Variants in MON2 observed in about 807,000 individuals in gnomAD.
MON2 encodes the protein MON2 regulator of endosome-to-Golgi trafficking.
Under a neutral mutation model 208.6 loss-of-function variants are expected in MON2, and 84 were observed. The observed-to-expected ratio is 0.40, with a 90% CI of 0.34 to 0.48. The LOEUF is 0.48. MON2 is among the 20% of genes least tolerant of loss of function. MON2 has a pLI of 0.59. For missense variants in MON2, 1,611 were observed against 2,015.4 expected, an observed-to-expected ratio of 0.80 and a Z score of 3.84; for synonymous variants, 660 against 694.0, an observed-to-expected ratio of 0.95 and a Z score of 0.77.
intron 30 of MON2, among the ~76,000 whole-genome samples, chr12:62,573,225 C>T (rs2074661317): frequency 6.6e-6 from 1 of 152,136 alleles, no homozygotes; most frequent in African/African-American, 2.4e-5. Flanking sequence ...ATGTTTTCAT[C>T]TTTAAAATAA....
chr12:62,557,962 A>ATTTTTT lies in MON2; in HGVS notation c.3409+1794_3409+1799dup. On this transcript the variant is annotated intron_variant, in intron 25 of 34. Transcript: ENST00000393630. ...TATATATATATATATATATATATAT[A>ATTTTTT]TTTTTTTTTTTTTTTTTTTTTTTTT... 2.9e-4 allele frequency among the ~76,000 whole-genome samples: 6 copies of ATTTTTT among 20,872 alleles called. 1 individual carries two copies. The highest frequency in any genetic ancestry group is 4.1e-4 in the Non-Finnish European group (6 of 14,682). The allele number at this position is 20,872 out of a possible 152,430, so 13.7% of individuals were successfully genotyped here. A position where few individuals can be genotyped will look rare whatever the true frequency, so the allele number is the denominator to read the frequency against.
At chr12:62,487,412 A>G (rs1168344391) in intron 2 of MON2, among the ~76,000 whole-genome samples, 1 of 152,070 alleles carries the variant, frequency 6.6e-6, no homozygotes. Context: ...ATCTTTTAAC[A>G]TTGTATATTT....
intron 8 of MON2, 30 bp downstream of exon 8, chr12:62,508,510 T>C: frequency 6.3e-7 from 1 of 1,589,058 alleles, no homozygotes; most frequent in African/African-American, 1.3e-5. Flanking sequence ...TGTATTTGTG[T>C]ATATAGTTGC....
At chr12:62,531,129 T>C (rs906776370) in intron 11 of MON2, among the ~76,000 whole-genome samples, 3 of 152,222 alleles carry the variant, frequency 2.0e-5, no homozygotes, top group Admixed American at 6.5e-5. Context: ...CTGTCTCTTA[T>C]CAGATATGTG....
chr12:62,486,541 A>AT (rs1001100858), intron 2 of MON2, among the ~76,000 whole-genome samples: 5 of 152,040 alleles, frequency 3.3e-5, no homozygotes, highest in African/African-American at 2.4e-5. Context: ...TTATCCTAGT[A>AT]TTTTTTCTGA....
At chr12:62,566,066 T>C (rs1380455192) in intron 28 of MON2, 35 bp downstream of exon 28, 4 of 1,589,342 alleles carry the variant, frequency 2.5e-6, no homozygotes, top group South Asian at 1.1e-5. Context: ...CCTAACCTCT[T>C]GGCAACAAAT....
intron 33 of MON2, chr12:62,585,758 T>C (rs1368136428): frequency 7.4e-6 from 2 of 269,294 alleles, no homozygotes; most frequent in African/African-American, 4.4e-5. Flanking sequence ...AATTACCTTT[T>C]TGAATTAAAA....
intron 30 of MON2, 49 bp downstream of exon 30, chr12:62,571,631 C>A: frequency 1.4e-6 from 2 of 1,394,564 alleles, no homozygotes; most frequent in Non-Finnish European, 2.0e-6. Flanking sequence ...CACATTATAT[C>A]TTCAGTTGCT....
Position 62,585,416 on chromosome 12 carries a change from C to G in MON2, c.4822C>G (p.Leu1608Val). 2 of 1,613,758 alleles carry G rather than the reference C, an allele frequency of 1.2e-6. No homozygotes were observed. The highest frequency in any genetic ancestry group is 1.7e-6 in the Non-Finnish European group (2 of 1,179,702). The change falls in exon 33 of 35, where the codon CTC (leucine) becomes GTC (valine). Residue 1608 changes from leucine (L) to valine (V), a missense_variant. Transcript: ENST00000393630. ...PQEGYISRMA[L>V]SVLLKRSQDV... ...AGAAGGCTACATCTCACGAATGGCA[C>G]TCTCAGTGCTTTTAAAGAGGTCCCA...
At position 62,573,188 on chromosome 12, in the gene MON2, C is replaced by T. The variant is rs545775215; in HGVS notation, c.4514+1606C>T. On this transcript the variant is annotated intron_variant, in intron 30 of 34. Transcript: ENST00000393630. ...CTGTTTCTGAAGGAAAAATTATAGG[C>T]GCTCATAAACTATATTCAAACAAAT... Among the ~76,000 whole-genome samples the T allele has an allele frequency of 2.5e-4, 38 of 152,184 alleles. 1 individual carries two copies. Among genetic ancestry groups the T allele is most frequent in the South Asian group, 6.2e-4 (3 of 4,826 alleles).
At chr12:62,554,446 C>A (rs1376498930) in intron 24 of MON2, among the ~76,000 whole-genome samples, 2 of 152,074 alleles carry the variant, frequency 1.3e-5, no homozygotes, top group African/African-American at 4.8e-5. Flanking sequence ...CTGGTTAGTT[C>A]AGAGACCACA....
chr12:62,555,631 G>A (rs1004877188), intron 24 of MON2, among the ~76,000 whole-genome samples: 6 of 152,092 alleles, frequency 3.9e-5, no homozygotes, highest in African/African-American at 1.4e-4. Flanking sequence ...CCAACATGAT[G>A]AAACCCCATC....
chr12:62,475,309 T>C (rs2069010224), intron 1 of MON2, among the ~76,000 whole-genome samples: 1 of 152,074 alleles, frequency 6.6e-6, no homozygotes, highest in Admixed American at 6.5e-5. Flanking sequence ...TAATCTTGGC[T>C]CACTGCAACC....
intron 1 of MON2, chr12:62,470,779 G>T (rs1009168275): frequency 5.7e-6 from 6 of 1,060,036 alleles, no homozygotes; most frequent in Non-Finnish European, 6.9e-6. Flanking sequence ...AGCACACGTT[G>T]TTAGTATTCC....
rs116213836 is a variant in MON2 at position 62,525,432 on chromosome 12, T to C, written c.1246+212T>C. On this transcript the variant is annotated intron_variant, in intron 10 of 34. Transcript: ENST00000393630. ...ATAGATTTTCTTCTCTGACATACTT[T>C]CAGTTTCTCTGATCACATAAGAACA... Among the ~76,000 whole-genome samples the C allele has an allele frequency of 4.4e-3, 667 of 152,324 alleles. 6 individuals are homozygous for C. Among genetic ancestry groups the C allele is most frequent in the African/African-American group, 0.016 (647 of 41,578 alleles).
At chr12:62,479,008 A>G (rs1299097915) in intron 1 of MON2, among the ~76,000 whole-genome samples, 4 of 152,234 alleles carry the variant, frequency 2.6e-5, no homozygotes, top group Admixed American at 6.5e-5. Context: ...AATTGTAGAA[A>G]GAAGAAATAG....
rs568096177 is a variant in MON2 at position 62,588,097 on chromosome 12, T to A, written c.4931T>A (p.Phe1644Tyr). 15 of 1,579,212 alleles carry A rather than the reference T, an allele frequency of 9.5e-6. No individual in the cohort carries two copies. In the South Asian group the frequency reaches 1.7e-4, roughly 18 times the overall value. The change falls in exon 34 of 35, where the codon TTT becomes TAT. Residue 1644 changes from phenylalanine to tyrosine, a missense_variant. Transcript: ENST00000393630. Reference protein sequence around the residue: ...LPRQQVTEIIFVLKAVSTLID... With the variant: ...LPRQQVTEIIYVLKAVSTLID... ...AGGCAACAAGTAACAGAAATTATATTTGTTTTAAAAGCAGTCAGTACTCTT... is the reference window on the plus strand; with the variant it reads ...AGGCAACAAGTAACAGAAATTATATATGTTTTAAAAGCAGTCAGTACTCTT...
At chr12:62,506,340 A>G (rs1381466142) in intron 7 of MON2, among the ~76,000 whole-genome samples, 2 of 152,222 alleles carry the variant, frequency 1.3e-5, no homozygotes, top group African/African-American at 2.4e-5. Flanking sequence ...AGAAGTAACA[A>G]TGACTAGTCC....
rs955049326 is a variant in MON2 at position 62,546,771 on chromosome 12, A to T, written c.2578-126A>T. 7 of 715,558 alleles carry T rather than the reference A, an allele frequency of 9.8e-6. No homozygotes were observed. The African/African-American group carries it at 1.3e-4, about 13-fold the overall frequency. 44.3% of individuals were successfully genotyped at this position (715,558 alleles called of 1,614,324 possible). Reference sequence around the variant, plus strand: ...GACTCCATTTCAAAAAAAATAAATAAAACATAAAAATATCTATTTCCCATA... The same window carrying T: ...GACTCCATTTCAAAAAAAATAAATATAACATAAAAATATCTATTTCCCATA... On this transcript the variant is annotated intron_variant, in intron 21 of 34. Transcript: ENST00000393630.
Sources: gnomAD v4.1 joint callset for allele counts (sites outside exome capture counted in the v4.1 genomes callset) on GRCh38, gnomAD v4.1.1 for gene constraint, MANE v1.5 for transcripts, NCBI Gene and HGNC (gene_info 2026-07-23, HGNC 2026-07-21) for gene names.